Variants in DNAH2 observed in about 807,000 individuals in gnomAD.
DNAH2 encodes the protein dynein axonemal heavy chain 2.
A neutral mutation model predicts 523.5 loss-of-function variants in DNAH2; 323 were observed. The ratio of observed to expected loss-of-function variants is 0.62; its 90% confidence interval spans 0.56 to 0.68. The LOEUF is 0.68. Among genes scored for constraint, DNAH2 ranks in the 30% least tolerant of loss-of-function variants. The pLI is 0.00. For missense variants in DNAH2, 4,907 were observed against 5,701.5 expected (o/e 0.86, Z 4.49); for synonymous variants, 2,093 against 2,177.4 (o/e 0.96, Z 1.08).
chr17:7,723,793 T>A (rs2074708597), intron 3 of DNAH2, 104 bp downstream of exon 3: 1 of 995,800 alleles, frequency 1.0e-6, no homozygotes, highest in African/African-American at 1.6e-5. Context: ...GTCTGCCACT[T>A]CTTCTACTTG....
Position 7,759,434 on chromosome 17 carries a change from T to G in DNAH2, c.2461T>G (p.Trp821Gly). The G allele has an allele frequency of 6.2e-7, 1 of 1,611,742 alleles. No individual in the cohort carries two copies. The highest frequency in any genetic ancestry group is 8.5e-7 in the Non-Finnish European group (1 of 1,178,620). The change falls in exon 16 of 86, where the codon TGG becomes GGG. Residue 821 changes from tryptophan (W) to glycine (G), a missense_variant. By Grantham distance (184) the Trp-to-Gly change is radical. Transcript: ENST00000572933. ...TCCATCCCATCAGATTCAGCAGCAG[T>G]GGATGCTGTACATGATTCGGCTGGA... ...KNDGPEIQQQ[W>G]MLYMIRLDRM...
rs1272611704 is a variant in DNAH2, at chr17:7,833,692, A to G, written c.*159A>G. On this transcript the variant is annotated 3_prime_UTR_variant, in exon 86 of 86. Transcript: ENST00000572933. ...GATACCTAGTTGTGTTAGCCATAAAAGTGAAAGAGTTGTATTGGAGCTCAG... is the reference window on the plus strand; with the variant it reads ...GATACCTAGTTGTGTTAGCCATAAAGGTGAAAGAGTTGTATTGGAGCTCAG... The G allele has an allele frequency of 4.0e-6, 4 of 1,009,148 alleles. No homozygotes were observed. In the East Asian group the frequency reaches 1.0e-4, roughly 26 times the overall value. 62.5% of individuals were successfully genotyped at this position (1,009,148 alleles called of 1,614,324 possible). A position where few individuals can be genotyped will look rare whatever the true frequency, so the allele number is the denominator to read the frequency against.
Position 7,831,316 on chromosome 17 carries a change from TA to T in DNAH2, c.12459+7del, listed in dbSNP as rs767651157. ...GGAGGCCAGACCCGGGAAGAGAAGG[TA>T]AAAAGAGCCGGGCCTGGGGGAGGGA... On this transcript the variant is annotated splice_donor_region_variant and intron_variant, in intron 80 of 85. Coordinates refer to ENST00000572933, the MANE Select transcript of DNAH2 (RefSeq NM_020877.5). This position sits in a 1 kb window ranked among gnomAD's most constrained non-coding sequence, Gnocchi z 4.2. 16 of 1,613,572 alleles carry T rather than the reference TA, an allele frequency of 9.9e-6. No individual in the cohort carries two copies. In the South Asian group the frequency reaches 1.8e-4, roughly 18 times the overall value.
intron 32 of DNAH2, 120 bp downstream of exon 32, chr17:7,777,009 C>A: frequency 2.7e-6 from 2 of 737,204 alleles, no homozygotes; most frequent in East Asian, 6.0e-5. Flanking sequence ...TATGGCGAAA[C>A]CCCTTCTTTA....
rs147592625 is a variant in DNAH2, at chr17:7,774,790, A to T, written c.4533A>T (p.Thr1511=). 166 of 1,614,118 alleles carry T rather than the reference A, an allele frequency of 1.0e-4. No homozygotes were observed. Among genetic ancestry groups the T allele is most frequent in the Non-Finnish European group, 1.4e-4 (161 of 1,180,052 alleles). Reference sequence around the variant, plus strand: ...TGGACACATTGATAGAAATGAATACAATCCTGGAAGATATTCAGAAATCTC... The same window carrying T: ...TGGACACATTGATAGAAATGAATACTATCCTGGAAGATATTCAGAAATCTC... ...GLLDTLIEMN[T]ILEDIQKSLD... The change falls in exon 29 of 86, where the codon ACA becomes ACT. Residue 1511 remains threonine (T), a synonymous_variant. Coordinates refer to ENST00000572933, the MANE Select transcript of DNAH2 (RefSeq NM_020877.5).
intron 46 of DNAH2, 139 bp downstream of exon 46, chr17:7,792,482 C>A (rs1431926950): frequency 4.8e-6 from 5 of 1,052,608 alleles, no homozygotes; most frequent in Non-Finnish European, 7.1e-6. Context: ...CTCTTGAGGA[C>A]AGGAAGCGGG....
chr17:7,734,443 A>G (rs750500297), intron 6 of DNAH2, 27 bp from the exon 7 acceptor site: 8 of 1,609,524 alleles, frequency 5.0e-6, no homozygotes, highest in Non-Finnish European at 6.8e-6. Context: ...TGAAGAAACG[A>G]AGGAGATTTT....
intron 7 of DNAH2, among the ~76,000 whole-genome samples, chr17:7,736,044 C>T (rs529821885): frequency 6.6e-5 from 10 of 151,914 alleles, no homozygotes; most frequent in South Asian, 4.2e-4. Context: ...TCAGCCACCT[C>T]GCCCGGCCTA....
Position 7,778,085 on chromosome 17 carries a change from TGAC to T in DNAH2, c.5257_5259del (p.Asp1753del). 1.9e-6 allele frequency: 3 copies of T among 1,613,834 alleles called. No individual in the cohort carries two copies. The South Asian group carries it at 3.3e-5, about 18-fold the overall frequency. ...TGCGCTGTTTTCCCCAGGATCTTGA[TGAC>T]TGTGTCATCCGCCAGACCAACACGC... On this transcript the variant is annotated inframe_deletion, in exon 34 of 86. Coordinates refer to ENST00000572933, the MANE Select transcript of DNAH2 (RefSeq NM_020877.5).
At position 7,792,684 on chromosome 17, in the gene DNAH2, C is replaced by T. The variant is rs1375660514; in HGVS notation, c.7173C>T (p.Pro2391=). The T allele has an allele frequency of 6.2e-7, 1 of 1,614,030 alleles. No individual in the cohort carries two copies. Among genetic ancestry groups the T allele is most frequent in the African/African-American group, 1.3e-5 (1 of 74,916 alleles). Residue 2391 remains proline, a synonymous_variant, in exon 47 of 86, where the codon CCC becomes CCT. Transcript: ENST00000572933. ...CCCCCTTCTATAAGATCATGGTGCC[C>T]ACCGTCGACACTGTTCGCTACAACT... ...PNAPFYKIMV[P]TVDTVRYNYL... is the part of the protein sequence containing the mutation.
chr17:7,745,744 C>T (rs1358694911), intron 12 of DNAH2, among the ~76,000 whole-genome samples: 4 of 147,676 alleles, frequency 2.7e-5, no homozygotes, highest in Non-Finnish European at 4.4e-5. Flanking sequence ...GAGCTGTGAT[C>T]GTGCCACTGC....
chr17:7,757,689 A>G (rs1276124175), intron 13 of DNAH2, among the ~76,000 whole-genome samples: 1 of 152,200 alleles, frequency 6.6e-6, no homozygotes, highest in African/African-American at 2.4e-5. Context: ...TTGGGCTTCT[A>G]TAACAAAATG....
At chr17:7,733,472 C>CTTTTTTTTTTTTTTTT (rs1567611229) in intron 5 of DNAH2, among the ~76,000 whole-genome samples, 157 bp downstream of exon 5, 1 of 125,982 alleles carries the variant, frequency 7.9e-6, no homozygotes, top group African/African-American at 3.0e-5. Flanking sequence ...CCGCCTTCTT[C>CTTTTTTTTTTTTTTTT]TTCTTTTTTT....
intron 18 of DNAH2, among the ~76,000 whole-genome samples, chr17:7,762,904 A>C (rs1314906664): frequency 2.6e-5 from 4 of 151,954 alleles, no homozygotes; most frequent in African/African-American, 4.8e-5. Context: ...AAAAAAAAAA[A>C]AAAAACCTGC....
At chr17:7,800,592 C>T (rs1348949017) in intron 56 of DNAH2, among the ~76,000 whole-genome samples, 8 of 150,994 alleles carry the variant, frequency 5.3e-5, no homozygotes, top group Admixed American at 2.6e-4. Flanking sequence ...TTTGTCTGGG[C>T]GCGGTGGCTC....
At chr17:7,803,195 C>T (rs2077271020) in intron 58 of DNAH2, among the ~76,000 whole-genome samples, 1 of 152,068 alleles carries the variant, frequency 6.6e-6, no homozygotes, top group African/African-American at 2.4e-5. Flanking sequence ...TCCCACAATA[C>T]ACCCGCCGCT....
At chr17:7,723,578 G>A in intron 2 of DNAH2, 50 bp from the exon 3 acceptor site, 1 of 1,562,656 alleles carries the variant, frequency 6.4e-7, no homozygotes, top group Non-Finnish European at 8.8e-7. Context: ...AGCTGACTGT[G>A]TTTAACTTTC....
chr17:7,773,274 A>G (rs1161853083), intron 28 of DNAH2, among the ~76,000 whole-genome samples: 1 of 152,224 alleles, frequency 6.6e-6, no homozygotes, highest in Non-Finnish European at 1.5e-5. Context: ...CACTGTGTGC[A>G]CATGCCATGT....
chr17:7,796,561 C>A lies in DNAH2; in HGVS notation c.7772C>A (p.Ala2591Asp). The A allele has an allele frequency of 1.2e-6, 2 of 1,613,598 alleles. No individual in the cohort carries two copies. Among genetic ancestry groups the A allele is most frequent in the Non-Finnish European group, 1.7e-6 (2 of 1,179,950 alleles). Residue 2591 changes from alanine (A) to aspartate (D), a missense_variant, in exon 50 of 86, where the codon GCC (alanine) becomes GAC (aspartate). This residue lies in a region of DNAH2 where 250 missense variants were observed against 371.3 expected (regional missense o/e 0.67). Transcript: ENST00000572933. ...VKPIGNVVTE[A>D]TLDMYNTVVQ... ...CCCATTGGGAACGTGGTGACAGAGG[C>A]CACCCTGGACATGTACAACACCGTG... is the stretch of plus-strand genomic sequence containing the variant.
Sources: allele counts gnomAD v4.1 joint callset (sites outside exome capture counted in the v4.1 genomes callset), GRCh38; gene constraint gnomAD v4.1.1; regional missense constraint gnomAD v4.1.1; non-coding constraint Gnocchi (gnomAD v3.1); transcripts MANE v1.5; gene names NCBI Gene and HGNC (gene_info 2026-07-23, HGNC 2026-07-21).